Variants in ASTN2 observed in about 807,000 individuals in gnomAD.
ASTN2 encodes the protein astrotactin-2.
ASTN2 carries 54 observed loss-of-function variants against 139.8 expected under a neutral mutation model. That is an observed-to-expected ratio of 0.39 (90% CI 0.31 to 0.48). The LOEUF is 0.48. Among genes scored for constraint, ASTN2 ranks in the 20% least tolerant of loss-of-function variants. The pLI is 0.95. For missense variants in ASTN2, 1,565 were observed against 1,725.1 expected (o/e 0.91, Z 1.64); for synonymous variants, 756 against 719.5 (o/e 1.05, Z -0.81).
At chr9:116,987,211 A>T (rs566728975) in intron 7 of ASTN2, among the ~76,000 whole-genome samples, 78 of 152,338 alleles carry the variant, frequency 5.1e-4, no homozygotes, top group Non-Finnish European at 1.1e-3. Flanking sequence ...GAGGGAGGTG[A>T]TTGGATTATG....
intron 3 of ASTN2, among the ~76,000 whole-genome samples, chr9:117,166,986 A>G (rs1830684252): frequency 6.6e-6 from 1 of 152,170 alleles, no homozygotes; most frequent in Non-Finnish European, 1.5e-5. Flanking sequence ...TAAAAGAGTA[A>G]TGTTAAAATT....
intron 10 of ASTN2, among the ~76,000 whole-genome samples, chr9:116,941,111 C>T (rs1169109129): frequency 6.6e-6 from 1 of 152,124 alleles, no homozygotes; most frequent in African/African-American, 2.4e-5. Context: ...AATTGCCAGA[C>T]AATGCATTTC....
At chr9:117,042,664 A>G (rs552112760) in intron 5 of ASTN2, among the ~76,000 whole-genome samples, 1 of 152,008 alleles carries the variant, frequency 6.6e-6, no homozygotes, top group Non-Finnish European at 1.5e-5. Context: ...TAAAATATGT[A>G]TAGTATAAAT....
intron 7 of ASTN2, among the ~76,000 whole-genome samples, chr9:117,000,582 T>C (rs1300912907): frequency 1.3e-5 from 2 of 152,208 alleles, no homozygotes; most frequent in Non-Finnish European, 2.9e-5. Flanking sequence ...CTGTGTGGTG[T>C]TGCATTTTAC....
intron 1 of ASTN2, among the ~76,000 whole-genome samples, chr9:117,398,631 A>C (rs1204746344): frequency 1.3e-5 from 2 of 152,218 alleles, no homozygotes; most frequent in Non-Finnish European, 2.9e-5. Flanking sequence ...GGCTATTCAC[A>C]AACATATCTA....
intron 19 of ASTN2, among the ~76,000 whole-genome samples, chr9:116,544,913 C>T (rs1852027156): frequency 6.6e-6 from 1 of 152,178 alleles, no homozygotes; most frequent in Admixed American, 6.5e-5. Flanking sequence ...AAACATTCTG[C>T]CTAGCTCATT....
chr9:117,252,063 T>C (rs1230356937), intron 2 of ASTN2, among the ~76,000 whole-genome samples: 2 of 152,162 alleles, frequency 1.3e-5, no homozygotes, highest in Non-Finnish European at 2.9e-5. Flanking sequence ...TCTCTATAGG[T>C]TGGAGAAGAG....
At chr9:117,346,130 T>C (rs1829210249) in intron 1 of ASTN2, among the ~76,000 whole-genome samples, 1 of 151,902 alleles carries the variant, frequency 6.6e-6, no homozygotes, top group Non-Finnish European at 1.5e-5. Context: ...ACCTGGCCCA[T>C]GGGATTACAA....
intron 22 of ASTN2, chr9:116,437,545 T>C (rs554080753): frequency 3.0e-5 from 14 of 471,212 alleles, no homozygotes; most frequent in Non-Finnish European, 5.7e-5. Flanking sequence ...CCCGGCCGCC[T>C]TTCCAGAAGA....
intron 13 of ASTN2, among the ~76,000 whole-genome samples, chr9:116,792,314 G>A (rs1169902761): frequency 6.6e-6 from 1 of 152,170 alleles, no homozygotes; most frequent in African/African-American, 2.4e-5. Context: ...CCAGGCCAAT[G>A]TCTTCTCCTA....
Position 116,766,984 on chromosome 9 carries a change from AGATT to A in ASTN2, c.2397-33465_2397-33462del, listed in dbSNP as rs780532951. On this transcript the variant is annotated intron_variant, in intron 13 of 22. Coordinates refer to ENST00000313400, the MANE Select transcript of ASTN2 (RefSeq NM_001365068.1). ...AGTAACATCACACACAGAAGCACAC[AGATT>A]GATAGTCACACAAACACACACATTC... is the stretch of plus-strand genomic sequence containing the variant. 1.6e-4 allele frequency among the ~76,000 whole-genome samples: 24 copies of A among 151,836 alleles called. No individual in the cohort carries two copies. In the South Asian group the frequency reaches 3.1e-3, roughly 20 times the overall value.
At chr9:116,537,098 T>C (rs2119325962) in intron 19 of ASTN2, among the ~76,000 whole-genome samples, 1 of 152,320 alleles carries the variant, frequency 6.6e-6, no homozygotes, top group Non-Finnish European at 1.5e-5. Flanking sequence ...TGCAGTTCGA[T>C]CTCAGACTGC....
intron 22 of ASTN2, among the ~76,000 whole-genome samples, chr9:116,434,767 G>A (rs1288954349): frequency 6.6e-6 from 1 of 152,106 alleles, no homozygotes; most frequent in African/African-American, 2.4e-5. Flanking sequence ...CTTATGTCTG[G>A]GGACAGCTGG....
chr9:117,246,439 C>T (rs1013809807), intron 2 of ASTN2, among the ~76,000 whole-genome samples: 2 of 152,162 alleles, frequency 1.3e-5, no homozygotes, highest in African/African-American at 4.8e-5. Flanking sequence ...CATGCAACTC[C>T]GCTGAGTCTC....
At chr9:116,766,543 ACACATGCATTCATACTAAT>A (rs1829813983) in intron 13 of ASTN2, among the ~76,000 whole-genome samples, 2 of 151,908 alleles carry the variant, frequency 1.3e-5, no homozygotes, top group Non-Finnish European at 2.9e-5. Flanking sequence ...ACATACACAA[ACACATGCATTCATACTAAT>A]CACATGCATT....
intron 6 of ASTN2, among the ~76,000 whole-genome samples, chr9:117,017,230 CTCTTT>C (rs3038363): frequency 0.66 from 99,977 of 151,112 alleles, 34,006 homozygotes; most frequent in Middle Eastern, 0.8. Flanking sequence ...TTGAAAGCAA[CTCTTT>C]TCTTTTAATT....
chr9:117,230,714 G>A (rs1832865164), intron 2 of ASTN2, among the ~76,000 whole-genome samples: 8 of 152,150 alleles, frequency 5.3e-5, no homozygotes, highest in Admixed American at 5.2e-4. Context: ...GTCTAAGAGA[G>A]AATGAAAATA....
chr9:116,843,351 T>C (rs76447309), intron 11 of ASTN2, among the ~76,000 whole-genome samples: 7,444 of 152,226 alleles, frequency 0.049, 629 homozygotes, highest in African/African-American at 0.17. Flanking sequence ...AAATACCGCA[T>C]GTTCTCACTT....
chr9:117,028,619 G>A (rs181626806), intron 6 of ASTN2, among the ~76,000 whole-genome samples: 1 of 152,116 alleles, frequency 6.6e-6, no homozygotes, highest in Non-Finnish European at 1.5e-5. Context: ...AGCCTTGGGA[G>A]CCTGAAGTCC....
Sources: gnomAD v4.1 joint callset for allele counts (sites outside exome capture counted in the v4.1 genomes callset) on GRCh38, gnomAD v4.1.1 for gene constraint, MANE v1.5 for transcripts, NCBI Gene and HGNC (gene_info 2026-07-23, HGNC 2026-07-21) for gene names.